The following ULK4 variants were observed in gnomAD, a reference collection of about 807,000 sequenced individuals.
ULK4 encodes unc-51 like kinase 4.
In ULK4, 133 loss-of-function variants were observed where a neutral mutation model predicts 160.6. The ratio of observed to expected loss-of-function variants is 0.83; its 90% CI spans 0.72 to 0.96. The LOEUF (loss-of-function observed/expected upper bound fraction) is 0.96. ULK4 is among the 40% of genes least tolerant of loss of function. The pLI is 0.00. For synonymous variants in ULK4, 534 were observed against 539.8 expected (o/e 0.99, Z 0.15); for missense variants, 1,580 against 1,499.5 (o/e 1.05, Z -0.89).
intron 15 of ULK4, among the ~76,000 whole-genome samples, chr3:41,896,545 C>A (rs532297900): frequency 1.3e-5 from 2 of 152,154 alleles, no homozygotes; most frequent in African/African-American, 4.8e-5. Context: ...TGAGCCACTA[C>A]GCCCAGCCTG....
At chr3:41,555,075 A>C (rs1470816517) in intron 32 of ULK4, among the ~76,000 whole-genome samples, 1 of 152,148 alleles carries the variant, frequency 6.6e-6, no homozygotes, top group Non-Finnish European at 1.5e-5. Flanking sequence ...ACCAAGAAAA[A>C]GAAGGACAAA....
chr3:41,784,909 A>G (rs2039957034), intron 21 of ULK4, among the ~76,000 whole-genome samples: 1 of 152,256 alleles, frequency 6.6e-6, no homozygotes, highest in South Asian at 2.1e-4. Context: ...CAAACTACAA[A>G]TAACTATGAA....
intron 32 of ULK4, among the ~76,000 whole-genome samples, chr3:41,524,825 C>G (rs2086057150): frequency 6.6e-6 from 1 of 152,082 alleles, no homozygotes; most frequent in African/African-American, 2.4e-5. Context: ...GTAGTCCAAG[C>G]TACTCGGGAA....
At chr3:41,430,054 T>A (rs1046432322) in intron 34 of ULK4, among the ~76,000 whole-genome samples, 4 of 152,088 alleles carry the variant, frequency 2.6e-5, no homozygotes, top group Admixed American at 2.0e-4. Flanking sequence ...TTAAATAATA[T>A]AAGATTAAGG....
At chr3:41,784,497 T>C (rs141798640) in intron 21 of ULK4, among the ~76,000 whole-genome samples, 1 of 152,316 alleles carries the variant, frequency 6.6e-6, no homozygotes, top group East Asian at 1.9e-4. Context: ...TTTACTTTGA[T>C]TTTTAATCAA....
intron 32 of ULK4, among the ~76,000 whole-genome samples, chr3:41,492,524 A>G (rs7618210): frequency 0.37 from 49,773 of 133,844 alleles, 9,788 homozygotes; most frequent in Non-Finnish European, 0.4. Flanking sequence ...ATCAACTAAC[A>G]AGCAAAATAA....
chr3:41,833,249 C>G (rs2041648901), intron 18 of ULK4, among the ~76,000 whole-genome samples: 2 of 150,946 alleles, frequency 1.3e-5, no homozygotes, highest in Non-Finnish European at 2.9e-5. Flanking sequence ...TCCTTCCTGT[C>G]CCTTGTTAGC....
chr3:41,279,255 T>TAAAAAAAAAAAAAAAAAAAAAAAAAAGA (rs771175184), intron 35 of ULK4, among the ~76,000 whole-genome samples: 10 of 43,008 alleles, frequency 2.3e-4, no homozygotes, highest in East Asian at 1.6e-3. Context: ...AAAAAAAGAG[T>TAAAAAAAAAAAAAAAAAAAAAAAAAAGA]AAAAAAAAAA....
intron 34 of ULK4, among the ~76,000 whole-genome samples, chr3:41,449,728 A>T (rs1386036049): frequency 1.3e-5 from 2 of 152,102 alleles, no homozygotes; most frequent in Admixed American, 6.5e-5. Flanking sequence ...TAGTAATAAA[A>T]ATGGAAAACA....
intron 30 of ULK4, among the ~76,000 whole-genome samples, chr3:41,657,415 T>C (rs1020374487): frequency 6.6e-6 from 1 of 152,220 alleles, no homozygotes; most frequent in Non-Finnish European, 1.5e-5. Context: ...TGCTGTTGGA[T>C]ACAATTAATA....
intron 30 of ULK4, among the ~76,000 whole-genome samples, chr3:41,645,779 G>A (rs1328352100): frequency 1.1e-4 from 17 of 152,132 alleles, no homozygotes; most frequent in African/African-American, 4.1e-4. Context: ...TCTGTCTAAT[G>A]TTGACAGTAG....
intron 2 of ULK4, among the ~76,000 whole-genome samples, chr3:41,952,160 G>GT (rs1174169670): frequency 2.0e-5 from 3 of 151,900 alleles, no homozygotes; most frequent in African/African-American, 4.8e-5. Flanking sequence ...GGATATTTGC[G>GT]TAAGACACCA....
chr3:41,385,484 T>C (rs928124698), intron 35 of ULK4, among the ~76,000 whole-genome samples: 1 of 151,630 alleles, frequency 6.6e-6, no homozygotes, highest in Non-Finnish European at 1.5e-5. Context: ...GAGAAAAAAA[T>C]AGGAAGGGAA....
At chr3:41,845,507 G>A (rs186369984) in intron 17 of ULK4, among the ~76,000 whole-genome samples, 47 of 152,238 alleles carry the variant, frequency 3.1e-4, no homozygotes, top group East Asian at 3.9e-4. Context: ...GATTGGCTTC[G>A]GGGGTGGAGG....
intron 35 of ULK4, among the ~76,000 whole-genome samples, chr3:41,323,829 G>A (rs1435370263): frequency 6.6e-6 from 1 of 152,144 alleles, no homozygotes; most frequent in African/African-American, 2.4e-5. Context: ...AAGGCATAGA[G>A]AGACTTTAGG....
At chr3:41,607,287 T>G (rs1333911461) in intron 31 of ULK4, among the ~76,000 whole-genome samples, 1 of 152,248 alleles carries the variant, frequency 6.6e-6, no homozygotes, top group East Asian at 1.9e-4. Context: ...GAGCAAAGAT[T>G]TGCAACTTAA....
At chr3:41,779,782 C>A (rs1190585540) in intron 21 of ULK4, among the ~76,000 whole-genome samples, 3 of 86,274 alleles carry the variant, frequency 3.5e-5, no homozygotes, top group Admixed American at 1.2e-4. Flanking sequence ...GGGAATTGAA[C>A]AATGAGATCA....
chr3:41,882,982 T>C (rs770007012), intron 17 of ULK4, among the ~76,000 whole-genome samples: 14 of 152,216 alleles, frequency 9.2e-5, no homozygotes, highest in Non-Finnish European at 1.5e-4. Flanking sequence ...TTCATTTTTT[T>C]AGGCCCCCCA....
At chr3:41,642,784 G>C (rs951580733) in intron 30 of ULK4, among the ~76,000 whole-genome samples, 12 of 152,160 alleles carry the variant, frequency 7.9e-5, no homozygotes, top group African/African-American at 2.9e-4. Context: ...CACAATGGTT[G>C]AACTGGTTTA....
Sources: gnomAD v4.1 joint callset for allele counts (sites outside exome capture counted in the v4.1 genomes callset) on GRCh38, gnomAD v4.1.1 for gene constraint, MANE v1.5 for transcripts, NCBI Gene and HGNC (gene_info 2026-07-23, HGNC 2026-07-21) for gene names.